The following NMBR variants were observed in gnomAD, a reference collection of about 807,000 sequenced individuals.
NMBR encodes the protein neuromedin-B receptor.
NMBR carries 16 observed loss-of-function variants against 20.5 expected under a neutral mutation model. The ratio of observed to expected loss-of-function variants is 0.78; its 90% CI spans 0.53 to 1.19. NMBR has a LOEUF of 1.19. Ranked by LOEUF, NMBR falls within the 50% of genes most tolerant of loss-of-function variation. The probability of loss-of-function intolerance (pLI) is 0.00; values close to 1 mark genes in which losing one functional copy is unlikely to be tolerated. For missense variants in NMBR, 582 were observed against 499.1 expected, an observed-to-expected ratio of 1.17 and a Z score of -1.58; for synonymous variants, 212 against 196.6, an observed-to-expected ratio of 1.08 and a Z score of -0.65.
At chr6:142,091,159 A>G (rs940553538) in intron 1 of NMBR, among the ~76,000 whole-genome samples, 3 of 152,238 alleles carry the variant, frequency 2.0e-5, no homozygotes, top group African/African-American at 7.2e-5. Context: ...ATAAGAACAC[A>G]GTATTGTCTC....
At position 142,078,842 on chromosome 6, in the gene NMBR, C is replaced by G. The variant is rs776583337; in HGVS notation, c.484G>C (p.Val162Leu). 13 of 1,613,818 alleles carry G rather than the reference C, an allele frequency of 8.1e-6. No homozygotes were observed. The highest frequency in any genetic ancestry group is 1.1e-5 in the Non-Finnish European group (13 of 1,179,988). Residue 162 changes from valine (V) to leucine (L), a missense_variant, in exon 3 of 4, where the codon GTG becomes CTG. Val to Leu is a conservative substitution (Grantham distance 32, BLOSUM62 1). Transcript: ENST00000258042. ...QTSGALLRTCVKAMGIWVVSV... is the reference protein window; with the variant it reads ...QTSGALLRTCLKAMGIWVVSV... ...ACCACCCAGATACCCATGGCCTTCA[C>G]ACAGGTCCGCAGCAATGCCCCTGAC...
intron 1 of NMBR, among the ~76,000 whole-genome samples, chr6:142,130,886 G>A (rs549774431): frequency 1.1e-4 from 16 of 152,224 alleles, no homozygotes; most frequent in African/African-American, 3.6e-4. Context: ...CTGCAGAACA[G>A]CTTTCAGGGT....
At chr6:142,127,646 T>C (rs927135485) in intron 1 of NMBR, among the ~76,000 whole-genome samples, 1 of 151,962 alleles carries the variant, frequency 6.6e-6, no homozygotes, top group East Asian at 1.9e-4. Flanking sequence ...CATTTATCTG[T>C]CTTTTTTTTT....
At chr6:142,130,150 G>A (rs188440356) in intron 1 of NMBR, among the ~76,000 whole-genome samples, 7 of 152,144 alleles carry the variant, frequency 4.6e-5, no homozygotes, top group African/African-American at 1.4e-4. Context: ...ATAATTTTCT[G>A]AGCTCTTCAG....
intron 1 of NMBR, among the ~76,000 whole-genome samples, chr6:142,091,037 G>A (rs1031711501): frequency 6.6e-6 from 1 of 151,902 alleles, no homozygotes; most frequent in South Asian, 2.1e-4. Context: ...TTAAAGATTT[G>A]TGTTCATTGT....
intron 3 of NMBR, 41 bp downstream of exon 3, chr6:142,078,514 G>T: frequency 8.8e-7 from 1 of 1,134,264 alleles, no homozygotes. Context: ...GCAGTTACTT[G>T]TTCTGACCAC....
intron 2 of NMBR, among the ~76,000 whole-genome samples, chr6:142,079,675 T>C (rs546187417): frequency 7.9e-5 from 12 of 152,242 alleles, no homozygotes; most frequent in Non-Finnish European, 1.6e-4. Flanking sequence ...TTTGACAAAA[T>C]AAAATAAATA....
intron 2 of NMBR, among the ~76,000 whole-genome samples, chr6:142,081,622 T>C (rs1412143047): frequency 6.6e-6 from 1 of 152,186 alleles, no homozygotes; most frequent in African/African-American, 2.4e-5. Flanking sequence ...TAGCTTACAA[T>C]TGTCGAAGAA....
chr6:142,126,797 G>T (rs1778047780), intron 1 of NMBR, among the ~76,000 whole-genome samples: 1 of 93,650 alleles, frequency 1.1e-5, no homozygotes, highest in Non-Finnish European at 2.0e-5. Context: ...TGAGTTGTAT[G>T]AGTTCTTCAT....
chr6:142,134,030 C>A, intron 1 of NMBR: 1 of 684,770 alleles, frequency 1.5e-6, no homozygotes. Context: ...AATCACTCCA[C>A]AAGTAAGTTT....
At chr6:142,080,621 G>A (rs1777075474) in intron 2 of NMBR, among the ~76,000 whole-genome samples, 1 of 152,044 alleles carries the variant, frequency 6.6e-6, no homozygotes, top group South Asian at 2.1e-4. Flanking sequence ...CTCTTGCTAT[G>A]TACCTATAAA....
chr6:142,114,050 AT>A (rs1480678639), intron 1 of NMBR, among the ~76,000 whole-genome samples: 2 of 152,142 alleles, frequency 1.3e-5, no homozygotes, highest in African/African-American at 4.8e-5. Flanking sequence ...GAAGAGCCCA[AT>A]TACAAAATAG....
At chr6:142,084,751 C>T (rs1582837864) in intron 2 of NMBR, among the ~76,000 whole-genome samples, 1 of 152,132 alleles carries the variant, frequency 6.6e-6, no homozygotes, top group Non-Finnish European at 1.5e-5. Flanking sequence ...AAAGAAATAA[C>T]ATTCCAAATT....
intron 1 of NMBR, among the ~76,000 whole-genome samples, chr6:142,109,051 G>A (rs1273551954): frequency 6.6e-6 from 1 of 152,226 alleles, no homozygotes; most frequent in African/African-American, 2.4e-5. Context: ...CTCAGCTGAT[G>A]CATGAGGTGG....
At chr6:142,132,544 A>G (rs1425781554) in intron 1 of NMBR, among the ~76,000 whole-genome samples, 1 of 152,206 alleles carries the variant, frequency 6.6e-6, no homozygotes, top group East Asian at 1.9e-4. Flanking sequence ...AACTAGACAA[A>G]TATAGCAATA....
chr6:142,086,308 T>C (rs906422510), intron 2 of NMBR, among the ~76,000 whole-genome samples: 11 of 152,140 alleles, frequency 7.2e-5, no homozygotes, highest in African/African-American at 2.7e-4. Flanking sequence ...GTTGAAAAAT[T>C]ACACAAAAAA....
chr6:142,110,550 T>C (rs937967892), intron 1 of NMBR, among the ~76,000 whole-genome samples: 3 of 152,126 alleles, frequency 2.0e-5, no homozygotes, highest in African/African-American at 7.2e-5. Context: ...TCTAGAGAGA[T>C]AGAAAGATTA....
rs1778066693 is a variant in NMBR at position 142,127,933 on chromosome 6, A to C, written c.-664+19111T>G. Among the ~76,000 whole-genome samples, 6 of 152,030 alleles carry C rather than the reference A, an allele frequency of 3.9e-5. No homozygotes were observed. In the South Asian group the frequency reaches 1.2e-3, roughly 32 times the overall value. On this transcript the variant is annotated intron_variant, in intron 1 of 3. Coordinates refer to ENST00000258042, the MANE Select transcript of NMBR (RefSeq NM_002511.4). ...CTACTTGTATAATTATGTTATCTGC[A>C]AACAGAGATAATTTTACTTCTTTTT...
At chr6:142,118,550 C>G (rs537174524) in intron 1 of NMBR, among the ~76,000 whole-genome samples, 3 of 151,982 alleles carry the variant, frequency 2.0e-5, no homozygotes, top group Non-Finnish European at 4.4e-5. Flanking sequence ...TGCTAGTTGC[C>G]TCTGCTTCTA....
Sources: gnomAD v4.1 joint callset for allele counts (sites outside exome capture counted in the v4.1 genomes callset) on GRCh38, gnomAD v4.1.1 for gene constraint, MANE v1.5 for transcripts, NCBI Gene and HGNC (gene_info 2026-07-23, HGNC 2026-07-21) for gene names.